The following TNPO3 variants were observed in gnomAD, a reference collection of about 807,000 sequenced individuals.
TNPO3 encodes transportin-3.
In TNPO3, 65 loss-of-function variants were observed where a neutral mutation model predicts 122.8. The observed-to-expected ratio is 0.53, with a 90% CI of 0.43 to 0.65. The LOEUF (loss-of-function observed/expected upper bound fraction) is 0.65, where lower values mean the gene tolerates loss of function less well. Ranked by LOEUF, TNPO3 falls within the 30% of genes least tolerant of loss-of-function variation. TNPO3 has a pLI of 0.00. For synonymous variants in TNPO3, 372 were observed against 411.2 expected, an observed-to-expected ratio of 0.90 and a Z score of 1.15; for missense variants, 850 against 1,136.7, an observed-to-expected ratio of 0.75 and a Z score of 3.63.
chr7:129,009,596 G>A (rs746787467), intron 4 of TNPO3, among the ~76,000 whole-genome samples: 6 of 152,212 alleles, frequency 3.9e-5, no homozygotes, highest in Non-Finnish European at 2.9e-5. Flanking sequence ...AGTCAGGCAC[G>A]TGCCTTGAAT....
intron 15 of TNPO3, 150 bp from the exon 16 acceptor site, chr7:128,979,273 AAT>A (rs1322030752): frequency 7.0e-6 from 6 of 862,026 alleles, no homozygotes; most frequent in Admixed American, 5.4e-5. Context: ...GCTCAGGTTC[AAT>A]AGACTACCCA....
At chr7:129,022,613 A>C (rs369313598) in intron 1 of TNPO3, among the ~76,000 whole-genome samples, 2 of 152,262 alleles carry the variant, frequency 1.3e-5, no homozygotes, top group African/African-American at 4.8e-5. Flanking sequence ...AATATACTTA[A>C]AGAAAAAGAT....
At chr7:128,987,875 G>C (rs1800333258) in intron 11 of TNPO3, among the ~76,000 whole-genome samples, 1 of 151,818 alleles carries the variant, frequency 6.6e-6, no homozygotes, top group Non-Finnish European at 1.5e-5. Context: ...CACCACGCCT[G>C]GGCAAAAAAC....
At chr7:129,012,003 C>CTTTTTTTTTTTT (rs1174882837) in intron 4 of TNPO3, among the ~76,000 whole-genome samples, 5 of 131,708 alleles carry the variant, frequency 3.8e-5, no homozygotes, top group African/African-American at 5.7e-5. Flanking sequence ...CTTTTTCTTT[C>CTTTTTTTTTTTT]TTTTTTTTTT....
In TNPO3 at chr7:128,955,381, C is replaced by T. The variant is rs1796800431; in HGVS notation, c.*36G>A. 2.2e-6 allele frequency: 1 copy of T among 456,004 alleles called. No individual in the cohort carries two copies. The highest frequency in any genetic ancestry group is 2.0e-5 in the African/African-American group (1 of 50,024). The allele number at this position is 456,004 out of a possible 1,614,324, so 28.2% of individuals were successfully genotyped here. A position where few individuals can be genotyped will look rare whatever the true frequency, so the allele number is the denominator to read the frequency against. On this transcript the variant is annotated 3_prime_UTR_variant, in exon 23 of 23. Transcript: ENST00000265388. The stretch of plus-strand genomic sequence containing the variant: ...CTTCCTGTCTTCTAATTAAAAAAGA[C>T]ATTCCTGACAAAAGAGATAAGACAG...
At chr7:128,980,156 CA>C (rs1799482457) in intron 14 of TNPO3, 125 bp from the exon 15 acceptor site, 2 of 807,470 alleles carry the variant, frequency 2.5e-6, no homozygotes, top group Admixed American at 2.0e-5. Flanking sequence ...ATGATAAAGT[CA>C]TTTACTTACA....
intron 1 of TNPO3, among the ~76,000 whole-genome samples, chr7:129,051,582 C>T (rs1808775185): frequency 6.6e-6 from 1 of 152,094 alleles, no homozygotes; most frequent in Non-Finnish European, 1.5e-5. Context: ...AGGGATCCTC[C>T]ACCTTGGACT....
intron 21 of TNPO3, among the ~76,000 whole-genome samples, chr7:128,958,878 C>T (rs1056067380): frequency 6.6e-6 from 1 of 152,170 alleles, no homozygotes; most frequent in African/African-American, 2.4e-5. Flanking sequence ...GTGGTGCACA[C>T]CTGTGGTCCC....
At chr7:128,958,137 C>CTTTTTTTTTTTTTTTTTTTTT (rs55683535) in intron 21 of TNPO3, among the ~76,000 whole-genome samples, 1 of 96,202 alleles carries the variant, frequency 1.0e-5, no homozygotes, top group Non-Finnish European at 1.9e-5. Context: ...GAAGCACTTC[C>CTTTTTTTTTTTTTTTTTTTTT]TTTTTTTTTT....
chr7:128,984,587 A>G (rs1043038284), intron 12 of TNPO3, among the ~76,000 whole-genome samples: 2 of 152,194 alleles, frequency 1.3e-5, no homozygotes, highest in African/African-American at 4.8e-5. Context: ...CTTCCCAGAG[A>G]TTCTGATTTA....
At chr7:128,964,691 T>C (rs1362741182) in intron 21 of TNPO3, among the ~76,000 whole-genome samples, 2 of 152,166 alleles carry the variant, frequency 1.3e-5, no homozygotes, top group African/African-American at 4.8e-5. Flanking sequence ...TTCTAAAATT[T>C]ATTACAAAGC....
intron 21 of TNPO3, among the ~76,000 whole-genome samples, chr7:128,958,591 C>G (rs1452624883): frequency 1.3e-5 from 2 of 152,188 alleles, no homozygotes; most frequent in African/African-American, 4.8e-5. Context: ...GGAAACTGCT[C>G]TAAGCGATCC....
chr7:128,995,111 C>T (rs529837223), intron 8 of TNPO3, among the ~76,000 whole-genome samples: 8 of 152,242 alleles, frequency 5.3e-5, no homozygotes, highest in African/African-American at 1.2e-4. Flanking sequence ...AAACTTAAAA[C>T]ATTTCATGTA....
rs759572733 is a variant in TNPO3, at chr7:128,997,504, C to T, written c.1043G>A (p.Arg348Gln). The T allele has an allele frequency of 5.0e-6, 8 of 1,613,768 alleles. No individual in the cohort carries two copies. The highest frequency in any genetic ancestry group is 1.1e-5 in the South Asian group (1 of 91,048). The change falls in exon 8 of 23, where the codon CGA becomes CAA. Residue 348 changes from arginine (R) to glutamine (Q), a missense_variant. Physicochemically the swap from Arg to Gln is conservative, Grantham distance 43. Transcript: ENST00000265388. ...VVEISFNFWY[R>Q]LGEHLYKTND... is the part of the protein sequence containing the mutation. ...AGTTTTGTACAAATGTTCCCCCAGT[C>T]GGTACCAAAAGTTAAATGAAATTTC...
intron 4 of TNPO3, among the ~76,000 whole-genome samples, chr7:129,007,991 A>G (rs571847745): frequency 6.6e-6 from 1 of 152,158 alleles, no homozygotes; most frequent in Admixed American, 6.5e-5. Context: ...TCTACTAAAA[A>G]TACAAAAATT....
Position 128,984,259 on chromosome 7 carries a change from C to A in TNPO3, c.1691G>T (p.Gly564Val). Residue 564 changes from glycine to valine, a missense_variant and splice_region_variant, in exon 13 of 23, where the codon GGG (glycine) becomes GTG (valine). Transcript: ENST00000265388. ...SPEAAVGLLKGTALVLARLPL... is the reference protein window; with the variant it reads ...SPEAAVGLLKVTALVLARLPL... Reference sequence around the variant, plus strand: ...TAATCGGGCTAGGACAAGTGCTGTCCCTGAAAAACAAAGGAAGATACAAAT... The same window carrying A: ...TAATCGGGCTAGGACAAGTGCTGTCACTGAAAAACAAAGGAAGATACAAAT... 6.2e-7 allele frequency: 1 copy of A among 1,604,210 alleles called. No homozygotes were observed. Among genetic ancestry groups the A allele is most frequent in the South Asian group, 1.1e-5 (1 of 89,080 alleles).
intron 5 of TNPO3, among the ~76,000 whole-genome samples, chr7:129,003,671 T>A (rs1449144607): frequency 6.6e-6 from 1 of 152,074 alleles, no homozygotes; most frequent in Non-Finnish European, 1.5e-5. Context: ...CCTGACTCCC[T>A]GTGACACTCC....
At chr7:128,997,311 A>G in intron 8 of TNPO3, 78 bp downstream of exon 8, 2 of 1,530,212 alleles carry the variant, frequency 1.3e-6, no homozygotes, top group Non-Finnish European at 1.8e-6. Context: ...TTTATTATCT[A>G]TCTTCTCAGT....
chr7:128,995,777 C>T (rs996825738), intron 8 of TNPO3, among the ~76,000 whole-genome samples: 20 of 152,210 alleles, frequency 1.3e-4, no homozygotes, highest in South Asian at 6.2e-4. Flanking sequence ...TGGCTCACTG[C>T]AACCTCCACC....
Sources: allele counts gnomAD v4.1 joint callset (sites outside exome capture counted in the v4.1 genomes callset), GRCh38; gene constraint gnomAD v4.1.1; transcripts MANE v1.5; gene names NCBI Gene and HGNC (gene_info 2026-07-23, HGNC 2026-07-21).